Variants in ZNF37A observed in about 807,000 individuals in gnomAD.
ZNF37A encodes zinc finger protein 37a (KOX 21).
In ZNF37A, 10 loss-of-function variants were observed where a neutral mutation model predicts 12.3. That is an observed-to-expected ratio of 0.82 (90% CI 0.50 to 1.38). ZNF37A has a LOEUF of 1.38. Among genes scored for constraint, ZNF37A ranks in the 40% most tolerant of loss-of-function variants. The pLI is 0.00. For synonymous variants in ZNF37A, 207 were observed against 223.0 expected (o/e 0.93, Z 0.64); for missense variants, 580 against 651.2 (o/e 0.89, Z 1.19).
At chr10:38,107,555 A>C (rs1055868200) in intron 5 of ZNF37A, among the ~76,000 whole-genome samples, 7 of 152,226 alleles carry the variant, frequency 4.6e-5, no homozygotes, top group African/African-American at 1.7e-4. Context: ...AAATACACAG[A>C]CTGGCAAATT....
downstream of ZNF37A, among the ~76,000 whole-genome samples, chr10:38,125,843 T>A (rs1424784266): frequency 6.6e-6 from 1 of 152,184 alleles, no homozygotes; most frequent in Non-Finnish European, 1.5e-5. Context: ...TTGGTTCAGG[T>A]TCTGCAGGCT....
At position 38,123,509 on chromosome 10, in the gene ZNF37A, C is replaced by T. The variant is rs1327413179; in HGVS notation, c.*4672C>T. 6.6e-6 allele frequency: 1 copy of T among 152,080 alleles called. No individual in the cohort carries two copies. The highest frequency in any genetic ancestry group is 2.1e-4 in the South Asian group (1 of 4,790). 9.4% of individuals were successfully genotyped at this position (152,080 alleles called of 1,614,324 possible). A position where few individuals can be genotyped will look rare whatever the true frequency, so the allele number is the denominator to read the frequency against. Reference sequence around the variant, plus strand: ...GGATCCTCTCCCTTGATCAAAACACCTTCCACCAAGACCCACCTTTAACGC... The same window carrying T: ...GGATCCTCTCCCTTGATCAAAACACTTTCCACCAAGACCCACCTTTAACGC... On this transcript the variant is annotated 3_prime_UTR_variant, in exon 8 of 8. Coordinates refer to ENST00000685332, the MANE Select transcript of ZNF37A (RefSeq NM_001324250.3).
At chr10:38,140,276 T>G (rs2070164712) in intron 7 of ZNF37A, 1 of 152,280 alleles carries the variant, frequency 6.6e-6, no homozygotes, top group Non-Finnish European at 1.5e-5. Flanking sequence ...GTAATTTGAC[T>G]GCATAAGGTT....
chr10:38,119,103 T>C lies in ZNF37A; in HGVS notation c.*266T>C, dbSNP rs757710198. ...GCCCAATGCCACTCTTCATTAAACATCAGAGAATTCACACGGGGTGAAACC... is the reference window on the plus strand; with the variant it reads ...GCCCAATGCCACTCTTCATTAAACACCAGAGAATTCACACGGGGTGAAACC... On this transcript the variant is annotated 3_prime_UTR_variant, in exon 8 of 8. Transcript: ENST00000685332. The C allele has an allele frequency of 7.2e-6, 8 of 1,117,412 alleles. No homozygotes were observed. Among genetic ancestry groups the C allele is most frequent in the Non-Finnish European group, 8.8e-6 (8 of 912,230 alleles). The allele number at this position is 1,117,412 out of a possible 1,614,324, so 69.2% of individuals were successfully genotyped here.
At chr10:38,144,573 A>G (rs1166195476) in intron 7 of ZNF37A, among the ~76,000 whole-genome samples, 4 of 152,192 alleles carry the variant, frequency 2.6e-5, no homozygotes, top group Non-Finnish European at 5.9e-5. Context: ...GCTTCTCAAC[A>G]AGGGGTCAAG....
chr10:38,133,903 A>G (rs1434546690), intron 7 of ZNF37A, among the ~76,000 whole-genome samples: 2 of 152,198 alleles, frequency 1.3e-5, no homozygotes, highest in Admixed American at 1.3e-4. Context: ...ATCTTCCACA[A>G]TGGTTGAACT....
intron 5 of ZNF37A, among the ~76,000 whole-genome samples, chr10:38,108,091 C>T (rs1462301169): frequency 6.6e-6 from 1 of 152,032 alleles, no homozygotes; most frequent in African/African-American, 2.4e-5. Context: ...TAAAATTGAC[C>T]ACATAATTGG....
At chr10:38,101,088 T>G (rs930929275) in intron 5 of ZNF37A, among the ~76,000 whole-genome samples, 1 of 152,218 alleles carries the variant, frequency 6.6e-6, no homozygotes, top group African/African-American at 2.4e-5. Context: ...TAATTCCTTA[T>G]CAGATACATG....
At chr10:38,116,930 A>T (rs1253261584) in intron 7 of ZNF37A, among the ~76,000 whole-genome samples, 3 of 152,198 alleles carry the variant, frequency 2.0e-5, no homozygotes, top group African/African-American at 7.2e-5. Flanking sequence ...CTAACATGGC[A>T]AAATCCTGTC....
intron 5 of ZNF37A, among the ~76,000 whole-genome samples, chr10:38,109,139 T>C (rs2068407077): frequency 1.3e-5 from 2 of 152,166 alleles, no homozygotes; most frequent in Admixed American, 6.6e-5. Flanking sequence ...TCCACCATGC[T>C]CAAGTCAGCT....
At chr10:38,116,547 A>G (rs1256792408) in intron 7 of ZNF37A, among the ~76,000 whole-genome samples, 2 of 152,184 alleles carry the variant, frequency 1.3e-5, no homozygotes, top group Admixed American at 1.3e-4. Flanking sequence ...AGCGAAATAT[A>G]TTCACTCTAG....
downstream of ZNF37A, among the ~76,000 whole-genome samples, chr10:38,128,535 C>T (rs187485235): frequency 1.3e-4 from 20 of 152,086 alleles, no homozygotes; most frequent in African/African-American, 3.1e-4. Context: ...TTTATCTTTT[C>T]GATAATGAGA....
rs567369175 is a variant in ZNF37A at position 38,122,648 on chromosome 10, C to A, written c.*3811C>A. On this transcript the variant is annotated 3_prime_UTR_variant, in exon 8 of 8. Coordinates refer to ENST00000685332, the MANE Select transcript of ZNF37A (RefSeq NM_001324250.3). ...CCATATGCAGAAGAATGAAACTAGA[C>A]CCCCATCTCTTAGCATATACAAAAA... The A allele has an allele frequency of 6.6e-6, 1 of 152,216 alleles. No individual in the cohort carries two copies. The highest frequency in any genetic ancestry group is 2.1e-4 in the South Asian group (1 of 4,816). 9.4% of individuals were successfully genotyped at this position (152,216 alleles called of 1,614,324 possible).
At chr10:38,098,117 C>A (rs1175083953) in intron 5 of ZNF37A, among the ~76,000 whole-genome samples, 3 of 152,134 alleles carry the variant, frequency 2.0e-5, no homozygotes, top group African/African-American at 4.8e-5. Context: ...GTTTTCAAGA[C>A]CCATTTATGT....
chr10:38,114,948 T>A, intron 6 of ZNF37A, 67 bp downstream of exon 6: 1 of 1,525,480 alleles, frequency 6.6e-7, no homozygotes, highest in Non-Finnish European at 8.8e-7. Context: ...TAGAAACTTG[T>A]GGAACTTTTG....
chr10:38,098,178 A>G (rs765641122), intron 5 of ZNF37A, among the ~76,000 whole-genome samples: 24 of 152,220 alleles, frequency 1.6e-4, no homozygotes, highest in Non-Finnish European at 2.9e-4. Flanking sequence ...ACAATATTCT[A>G]TTATATGGAT....
At chr10:38,104,794 A>G (rs2067905144) in intron 5 of ZNF37A, among the ~76,000 whole-genome samples, 1 of 152,148 alleles carries the variant, frequency 6.6e-6, no homozygotes, top group Non-Finnish European at 1.5e-5. Flanking sequence ...ACACACAGAA[A>G]TACACATGTG....
exon 8 of ZNF37A, chr10:38,150,084 AG>A (rs1329088038): frequency 2.6e-5 from 4 of 152,284 alleles, no homozygotes; most frequent in African/African-American, 9.7e-5. Context: ...TGCACTTGCA[AG>A]TTTCTTCTTG....
chr10:38,141,384 C>T lies in ZNF37A; in HGVS notation c.239-5348C>T, dbSNP rs1485523553. On this transcript the variant is annotated intron_variant, in intron 7 of 7. Coordinates refer to the ZNF37A transcript ENST00000638053. ...AGGATGTGATGAAAAGGCCACCTCA[C>T]CTCTGCAACATTCTTCCCTCAAATC... 15 of 152,172 alleles carry T rather than the reference C, an allele frequency of 9.9e-5. 1 individual carries two copies. Among genetic ancestry groups the T allele is most frequent in the Non-Finnish European group, 1.6e-4 (11 of 68,050 alleles). The allele number at this position is 152,172 out of a possible 1,614,324, so 9.4% of individuals were successfully genotyped here.
Sources: allele counts gnomAD v4.1 joint callset (sites outside exome capture counted in the v4.1 genomes callset), GRCh38; gene constraint gnomAD v4.1.1; transcripts MANE v1.5; gene names NCBI Gene and HGNC (gene_info 2026-07-23, HGNC 2026-07-21).